PRKCH: variants seen among roughly 807,000 people sequenced by gnomAD.
PRKCH encodes protein kinase C eta, also known as protein kinase C eta type.
A neutral mutation model predicts 82.5 loss-of-function variants in PRKCH; 28 were observed. The observed-to-expected ratio is 0.34, with a 90% CI of 0.25 to 0.47. The LOEUF (loss-of-function observed/expected upper bound fraction) is 0.47. PRKCH is among the 20% of genes least tolerant of loss of function. The pLI is 1.00. For synonymous variants in PRKCH, 322 were observed against 327.4 expected (o/e 0.98, Z 0.18); for missense variants, 705 against 881.8 (o/e 0.80, Z 2.54).
At chr14:61,303,402 T>G (rs575556060) in intron 1 of PRKCH, 1 of 152,218 alleles carries the variant, frequency 6.6e-6, no homozygotes, top group Non-Finnish European at 1.5e-5. Flanking sequence ...ATTTTTTATG[T>G]CTTCATGATG....
intron 12 of PRKCH, among the ~76,000 whole-genome samples, chr14:61,546,227 A>G (rs1469204398): frequency 6.6e-6 from 1 of 152,222 alleles, no homozygotes; most frequent in Non-Finnish European, 1.5e-5. Context: ...CTCTTACAGA[A>G]CTGAGTTACT....
chr14:61,388,498 G>C (rs1023857220), intron 1 of PRKCH, among the ~76,000 whole-genome samples: 2 of 152,194 alleles, frequency 1.3e-5, no homozygotes, highest in Non-Finnish European at 2.9e-5. Flanking sequence ...GGGAGTTTAC[G>C]GGCTGGCTGT....
intron 1 of PRKCH, among the ~76,000 whole-genome samples, chr14:61,233,473 G>T (rs8020172): frequency 0.022 from 3,316 of 152,236 alleles, 107 homozygotes; most frequent in East Asian, 0.1. Flanking sequence ...GGATCTGATA[G>T]AATTGAGCTA....
chr14:61,343,611 A>G (rs956947623), intron 1 of PRKCH, among the ~76,000 whole-genome samples: 1 of 152,210 alleles, frequency 6.6e-6, no homozygotes, highest in Non-Finnish European at 1.5e-5. Flanking sequence ...TAATGTGCCA[A>G]TGCAAGACCT....
intron 1 of PRKCH, among the ~76,000 whole-genome samples, chr14:61,209,666 C>G (rs2044554400): frequency 6.6e-6 from 1 of 152,086 alleles, no homozygotes; most frequent in Admixed American, 6.5e-5. Context: ...TTTGTGCAAA[C>G]TTTTCATTTT....
chr14:61,404,774 G>A (rs1881849300), intron 2 of PRKCH, among the ~76,000 whole-genome samples: 1 of 152,198 alleles, frequency 6.6e-6, no homozygotes, highest in African/African-American at 2.4e-5. Context: ...TGAGCCAGAG[G>A]TCTGAAGAAA....
chr14:61,512,607 C>T (rs570560419), intron 10 of PRKCH, among the ~76,000 whole-genome samples: 120 of 152,126 alleles, frequency 7.9e-4, no homozygotes, highest in Middle Eastern at 3.4e-3. Flanking sequence ...TAAAAAATAC[C>T]CAAAGCATCA....
At position 61,497,531 on chromosome 14, in the gene PRKCH, A is replaced by T. The variant is rs1029700685; in HGVS notation, c.1433+11875A>T. On this transcript the variant is annotated intron_variant, in intron 10 of 13. Transcript: ENST00000332981. ...TCCCCTCATAGATCTTAAGTGCACA[A>T]TTGGATAAATTTTGACATATGTACA... Among the ~76,000 whole-genome samples the T allele has an allele frequency of 4.6e-5, 7 of 152,170 alleles. 1 individual carries two copies. The highest frequency in any genetic ancestry group is 2.9e-5 in the Non-Finnish European group (2 of 68,030).
At chr14:61,345,214 C>T (rs751860937) in intron 1 of PRKCH, among the ~76,000 whole-genome samples, 1 of 152,300 alleles carries the variant, frequency 6.6e-6, no homozygotes, top group Non-Finnish European at 1.5e-5. Flanking sequence ...CCAGGATCTT[C>T]TGTCACTGTG....
chr14:61,386,075 A>G (rs1886467), intron 1 of PRKCH, among the ~76,000 whole-genome samples: 37,765 of 152,128 alleles, frequency 0.25, 6,180 homozygotes, highest in African/African-American at 0.47. Context: ...AATTTTGACT[A>G]TATTCCCCAG....
At chr14:61,300,239 T>C (rs892740254) in intron 1 of PRKCH, among the ~76,000 whole-genome samples, 1 of 152,238 alleles carries the variant, frequency 6.6e-6, no homozygotes, top group African/African-American at 2.4e-5. Context: ...GGAATACTTC[T>C]GTAGGATATG....
At chr14:61,378,900 T>C (rs777506469) in intron 1 of PRKCH, among the ~76,000 whole-genome samples, 4 of 152,220 alleles carry the variant, frequency 2.6e-5, no homozygotes, top group Admixed American at 1.3e-4. Context: ...ACTCAGACCA[T>C]TGGACTTGCC....
In PRKCH at chr14:61,288,814, C is replaced by T. The variant is rs145206042; in HGVS notation, c.-19+101146C>T. The stretch of plus-strand genomic sequence containing the variant: ...ATCTAGCAATTCTCTTTGACTTAGT[C>T]GGAAATTTCTGGGATGCAAGGAACG... On this transcript the variant is annotated intron_variant, in intron 1 of 3. Coordinates refer to the PRKCH transcript ENST00000555185. Among the ~76,000 whole-genome samples the T allele has an allele frequency of 3.1e-3, 470 of 152,222 alleles. 3 individuals carry two copies. Among genetic ancestry groups the T allele is most frequent in the African/African-American group, 9.7e-3 (403 of 41,514 alleles).
At chr14:61,395,108 A>T (rs552776720) in intron 2 of PRKCH, among the ~76,000 whole-genome samples, 2 of 152,042 alleles carry the variant, frequency 1.3e-5, no homozygotes, top group East Asian at 3.9e-4. Flanking sequence ...CGGGTGGGGT[A>T]TATTTTAGGA....
chr14:61,309,190 G>A (rs556007748), intron 1 of PRKCH, among the ~76,000 whole-genome samples: 1 of 152,270 alleles, frequency 6.6e-6, no homozygotes, highest in African/African-American at 2.4e-5. Context: ...AGTGAGGTGG[G>A]AGGATCACTT....
chr14:61,258,297 G>C (rs981529696), intron 1 of PRKCH, among the ~76,000 whole-genome samples: 1 of 151,918 alleles, frequency 6.6e-6, no homozygotes, highest in South Asian at 2.1e-4. Context: ...TTTTATTAAG[G>C]GGAAACCTGG....
At chr14:61,425,407 G>A (rs1883057205) in intron 2 of PRKCH, among the ~76,000 whole-genome samples, 1 of 152,184 alleles carries the variant, frequency 6.6e-6, no homozygotes, top group Admixed American at 6.5e-5. Context: ...TGTGAGACAT[G>A]GAGTCAAAGG....
At chr14:61,357,536 A>G (rs554343398) in intron 1 of PRKCH, among the ~76,000 whole-genome samples, 8 of 151,970 alleles carry the variant, frequency 5.3e-5, no homozygotes, top group African/African-American at 1.4e-4. Flanking sequence ...TCTCCCTCCA[A>G]TGTGTTACTG....
At chr14:61,538,656 C>G (rs2043143544) in intron 12 of PRKCH, among the ~76,000 whole-genome samples, 1 of 152,174 alleles carries the variant, frequency 6.6e-6, no homozygotes, top group Non-Finnish European at 1.5e-5. Context: ...GGAAACTTTT[C>G]CTGTGTGGAG....
Sources: gnomAD v4.1 joint callset for allele counts (sites outside exome capture counted in the v4.1 genomes callset) on GRCh38, gnomAD v4.1.1 for gene constraint, MANE v1.5 for transcripts, NCBI Gene and HGNC (gene_info 2026-07-23, HGNC 2026-07-21) for gene names.